The following FAT2 variants were observed in gnomAD, a reference collection of about 807,000 sequenced individuals.
FAT2 encodes protocadherin Fat 2.
In FAT2, 150 loss-of-function variants were observed where a neutral mutation model predicts 295.3. That is an observed-to-expected ratio of 0.51 (90% CI 0.44 to 0.58). The LOEUF is 0.58. Among genes scored for constraint, FAT2 ranks in the 20% least tolerant of loss-of-function variants. The pLI is 0.00. For synonymous variants in FAT2, 2,026 were observed against 2,150.3 expected (o/e 0.94, Z 1.60); for missense variants, 4,868 against 5,442.7 (o/e 0.89, Z 3.32).
intron 19 of FAT2, 144 bp from the exon 20 acceptor site, chr5:151,517,909 G>A (rs1753027189): frequency 3.0e-6 from 3 of 1,005,938 alleles, no homozygotes; most frequent in Non-Finnish European, 2.9e-6. Context: ...TGGGTGTGGG[G>A]TGTGCCATAC....
intron 7 of FAT2, 145 bp from the exon 8 acceptor site, chr5:151,551,016 C>T: frequency 1.3e-6 from 1 of 776,586 alleles, no homozygotes; most frequent in South Asian, 1.9e-5. Flanking sequence ...GAATGAATGA[C>T]AGTATTTCAA....
In FAT2 at chr5:151,531,146, G is replaced by A. The variant is rs1156984477; in HGVS notation, c.9811+441C>T. Among the ~76,000 whole-genome samples, 3 of 152,148 alleles carry A rather than the reference G, an allele frequency of 2.0e-5. No individual in the cohort carries two copies. Among genetic ancestry groups the A allele is most frequent in the Non-Finnish European group, 4.4e-5 (3 of 68,016 alleles). On this transcript the variant is annotated intron_variant, in intron 14 of 23. Coordinates refer to ENST00000261800, the MANE Select transcript of FAT2 (RefSeq NM_001447.3). The surrounding 1 kb of genome is among the most constrained non-coding windows in gnomAD (Gnocchi z 5.7). ...TCAAGAGAATAAGGGAAAATTAAGG[G>A]GTGCCAGGATGTTTGGAGTGGATGT...
At chr5:151,565,648 C>CCG in intron 2 of FAT2, 25 bp downstream of exon 2, 571 of 1,358,972 alleles carry the variant, frequency 4.2e-4, no homozygotes, top group Non-Finnish European at 5.2e-4. Context: ...GGCCCTGGCA[C>CCG]CCCACCCTAC....
Position 151,528,042 on chromosome 5 carries a change from G to A in FAT2, c.10118C>T (p.Pro3373Leu). 6.2e-7 allele frequency: 1 copy of A among 1,614,178 alleles called. No individual in the cohort carries two copies. The highest frequency in any genetic ancestry group is 8.5e-7 in the Non-Finnish European group (1 of 1,180,028). Residue 3373 changes from proline to leucine, a missense_variant, in exon 16 of 24, where the codon CCC (proline) becomes CTC (leucine). Coordinates refer to ENST00000261800, the MANE Select transcript of FAT2 (RefSeq NM_001447.3). The part of the protein sequence containing the change: ...GNQLGHFTIH[P>L]KKGELQVAKA... The stretch of plus-strand genomic sequence containing the variant: ...GGCCACCTGTAGCTCCCCCTTTTTG[G>A]GGTGAATGGTGAAGTGCCCAAGCTG...
intron 1 of FAT2, among the ~76,000 whole-genome samples, chr5:151,571,487 C>T (rs921969678): frequency 5.3e-5 from 8 of 152,314 alleles, no homozygotes; most frequent in South Asian, 4.1e-4. Flanking sequence ...ATGGCTGCAC[C>T]GGTGCCTTGC....
intron 12 of FAT2, among the ~76,000 whole-genome samples, chr5:151,536,300 C>A (rs1755276639): frequency 6.6e-6 from 1 of 152,134 alleles, no homozygotes; most frequent in Non-Finnish European, 1.5e-5. Flanking sequence ...GGTTAAATAA[C>A]CTGCCTGGGT....
intron 2 of FAT2, among the ~76,000 whole-genome samples, chr5:151,564,427 AG>A (rs1386181485): frequency 6.6e-6 from 1 of 152,260 alleles, no homozygotes; most frequent in Non-Finnish European, 1.5e-5. Context: ...CTAATTAAAC[AG>A]CTTAATTAAA....
At chr5:151,525,642 C>T in intron 18 of FAT2, 126 bp downstream of exon 18, 2 of 998,296 alleles carry the variant, frequency 2.0e-6, no homozygotes, top group East Asian at 2.5e-5. Context: ...AAGGACCTAG[C>T]CCAGTGCCTG....
intron 3 of FAT2, 96 bp from the exon 4 acceptor site, chr5:151,556,498 G>T: frequency 1.3e-6 from 1 of 785,610 alleles, no homozygotes; most frequent in Non-Finnish European, 2.1e-6. Flanking sequence ...TCTCAGATAA[G>T]AATTCTTCTG....
In FAT2 at chr5:151,534,970, A is replaced by AATATATATATATAT. The variant is rs138459865; in HGVS notation, c.9194-342_9194-329dup. Among the ~76,000 whole-genome samples the AATATATATATATAT allele has an allele frequency of 5.2e-3, 557 of 106,332 alleles. 9 individuals carry two copies. Among genetic ancestry groups the AATATATATATATAT allele is most frequent in the Middle Eastern group, 0.011 (2 of 178 alleles). The allele number at this position is 106,332 out of a possible 152,430, so 69.8% of individuals were successfully genotyped here. A position where few individuals can be genotyped will look rare whatever the true frequency, so the allele number is the denominator to read the frequency against. On this transcript the variant is annotated intron_variant, in intron 12 of 23. Transcript: ENST00000261800. ...TGGTTCGTAATTCCACTTCTAGGAAAATATATATATATATATATATATATA... is the reference window on the plus strand; with the variant it reads ...TGGTTCGTAATTCCACTTCTAGGAAAATATATATATATATATATATATATATATATATATATATA...
Position 151,542,958 on chromosome 5 carries a change from G to C in FAT2, c.8169C>G (p.Ile2723Met), listed in dbSNP as rs1411106905. ...GTGTAGTGCCCCGCACTAGACTGTA[G>C]ATGACTGGATCTTGAGCTGCCACTG... is the stretch of plus-strand genomic sequence containing the variant. Reference protein sequence around the residue: ...VKAVAAQDPVIYSLVRGTTPE... With the variant: ...VKAVAAQDPVMYSLVRGTTPE... Residue 2723 changes from isoleucine to methionine, a missense_variant, in exon 10 of 24, where the codon ATC becomes ATG. Ile to Met is a conservative substitution (Grantham distance 10, BLOSUM62 1). Transcript: ENST00000261800. 1 of 1,614,218 alleles carries C rather than the reference G, an allele frequency of 6.2e-7. No individual in the cohort carries two copies. Among genetic ancestry groups the C allele is most frequent in the South Asian group, 1.1e-5 (1 of 91,080 alleles).
In FAT2 at chr5:151,549,480, T is replaced by C. The variant is rs1314007457; in HGVS notation, c.4604A>G (p.Lys1535Arg). 1 of 1,614,210 alleles carries C rather than the reference T, an allele frequency of 6.2e-7. No individual in the cohort carries two copies. The highest frequency in any genetic ancestry group is 1.7e-5 in the Admixed American group (1 of 60,032). ...VMVRDQEIPIKRNFVWVTIHV... is the reference protein window; with the variant it reads ...VMVRDQEIPIRRNFVWVTIHV... The stretch of plus-strand genomic sequence containing the variant: ...AATGGTCACCCACACGAAGTTCCTC[T>C]TGATAGGTATTTCCTGGTCTCGGAC... The change falls in exon 9 of 24, where the codon AAG becomes AGG. Residue 1535 changes from lysine (K) to arginine (R), a missense_variant. By Grantham distance (26) the Lys-to-Arg change is conservative (BLOSUM62 2). Around this residue, in one of 5 missense-constraint regions of FAT2, gnomAD observed 3,297 missense variants for 3,669.4 expected, o/e 0.90. Transcript: ENST00000261800.
intron 20 of FAT2, among the ~76,000 whole-genome samples, chr5:151,516,261 G>T (rs996146639): frequency 6.6e-6 from 1 of 152,188 alleles, no homozygotes; most frequent in African/African-American, 2.4e-5. Context: ...TATAATCCCA[G>T]CACTTTGGGA....
At chr5:151,588,791 G>A (rs988060287) in intron 1 of FAT2, among the ~76,000 whole-genome samples, 2 of 152,194 alleles carry the variant, frequency 1.3e-5, no homozygotes, top group Non-Finnish European at 2.9e-5. Flanking sequence ...AGGAGGAAGA[G>A]AGAAGAATCA....
In FAT2 at chr5:151,549,356, C is replaced by A. The variant is rs1432521523; in HGVS notation, c.4728G>T (p.Gln1576His). Reference protein sequence around the residue: ...DTIAPGTELLQVRAMDADRGV... With the variant: ...DTIAPGTELLHVRAMDADRGV... The stretch of plus-strand genomic sequence containing the variant: ...CCCGGTCAGCATCCATGGCTCGGAC[C>A]TGCAGCAGCTCTGTGCCGGGGGCTA... The change falls in exon 9 of 24, where the codon CAG becomes CAT. Residue 1576 changes from glutamine (Q) to histidine (H), a missense_variant. This residue lies in a region of FAT2 where 3,297 missense variants were observed against 3,669.4 expected (regional missense o/e 0.90). Transcript: ENST00000261800. 3 of 1,614,030 alleles carry A rather than the reference C, an allele frequency of 1.9e-6. No homozygotes were observed. The highest frequency in any genetic ancestry group is 2.2e-5 in the South Asian group (2 of 91,072).
chr5:151,570,594 G>C (rs907253862), intron 1 of FAT2, among the ~76,000 whole-genome samples: 47 of 152,360 alleles, frequency 3.1e-4, no homozygotes, highest in African/African-American at 1.1e-3. Flanking sequence ...GATGGGGCAA[G>C]GGGCAGGAGG....
At chr5:151,593,349 G>A (rs555562742), upstream of FAT2, among the ~76,000 whole-genome samples, 3 of 152,310 alleles carry the variant, frequency 2.0e-5, no homozygotes, top group Non-Finnish European at 4.4e-5. Context: ...CGCAGGGACT[G>A]TCTGCAGCCT....
At position 151,531,920 on chromosome 5, in the gene FAT2, A is replaced by C. The variant is rs1240066676; in HGVS notation, c.9478T>G (p.Phe3160Val). The C allele has an allele frequency of 6.2e-7, 1 of 1,614,210 alleles. No individual in the cohort carries two copies. Among genetic ancestry groups the C allele is most frequent in the Non-Finnish European group, 8.5e-7 (1 of 1,180,028 alleles). ...YSLPDSAEGH[F>V]SIDATTGVIR... ...ACCCCCGTGGTGGCGTCGATGGAAA[A>C]GTGGCCTTCGGCTGAATCCGGCAGA... Residue 3160 changes from phenylalanine (F) to valine (V), a missense_variant, in exon 14 of 24, where the codon TTT (phenylalanine) becomes GTT (valine). Coordinates refer to ENST00000261800, the MANE Select transcript of FAT2 (RefSeq NM_001447.3). The surrounding 1 kb of genome is among the most constrained non-coding windows in gnomAD (Gnocchi z 5.7).
At chr5:151,557,183 A>G (rs548266850) in intron 3 of FAT2, among the ~76,000 whole-genome samples, 1 of 152,238 alleles carries the variant, frequency 6.6e-6, no homozygotes, top group South Asian at 2.1e-4. Context: ...ACTAAAATCT[A>G]TGGAACATGT....
Sources: gnomAD v4.1 joint callset for allele counts (sites outside exome capture counted in the v4.1 genomes callset) on GRCh38, gnomAD v4.1.1 for gene constraint, gnomAD v4.1.1 regional missense constraint, Gnocchi (gnomAD v3.1) non-coding constraint, MANE v1.5 for transcripts, NCBI Gene and HGNC (gene_info 2026-07-23, HGNC 2026-07-21) for gene names.